RGS21: variants seen among roughly 807,000 people sequenced by gnomAD.
RGS21 encodes the protein regulator of G protein signaling 21.
Under a neutral mutation model 18.7 loss-of-function variants are expected in RGS21, and 19 were observed. The observed-to-expected ratio is 1.01, with a 90% confidence interval of 0.71 to 1.49. The LOEUF (loss-of-function observed/expected upper bound fraction) is 1.49. RGS21 is among the 40% of genes most tolerant of loss of function. RGS21 has a pLI of 0.00. For missense variants in RGS21, 194 were observed against 176.8 expected, an observed-to-expected ratio of 1.10 and a Z score of -0.55; for synonymous variants, 56 against 57.8, an observed-to-expected ratio of 0.97 and a Z score of 0.14.
At chr1:192,329,094 T>C (rs2102223950) in intron 1 of RGS21, among the ~76,000 whole-genome samples, 1 of 152,238 alleles carries the variant, frequency 6.6e-6, no homozygotes, top group South Asian at 2.1e-4. Flanking sequence ...ATGTGGGTTA[T>C]AAGTTTTTCG....
chr1:192,352,204 A>G lies in RGS21; in HGVS notation c.246A>G (p.Ala82=). Reference sequence around the variant, plus strand: ...ATTCTGAATTCATTGAAGCTGATGCACCTAAAGAGGTGAGTGAACTACTTC... The same window carrying G: ...ATTCTGAATTCATTGAAGCTGATGCGCCTAAAGAGGTGAGTGAACTACTTC... ...MIYSEFIEAD[A]PKEINIDFGT... is the part of the protein sequence containing the mutation. The change falls in exon 4 of 5, where the codon GCA becomes GCG. Residue 82 remains alanine, a synonymous_variant. Coordinates refer to ENST00000417209, the MANE Select transcript of RGS21 (RefSeq NM_001039152.3). 1.2e-6 allele frequency: 2 copies of G among 1,604,472 alleles called. No individual in the cohort carries two copies.
intron 1 of RGS21, among the ~76,000 whole-genome samples, chr1:192,336,127 A>G (rs1023456284): frequency 7.2e-5 from 11 of 152,216 alleles, no homozygotes; most frequent in Non-Finnish European, 1.0e-4. Context: ...TAGCCAGTCT[A>G]TAAGTCAAGC....
chr1:192,352,775 C>T (rs982553110), intron 4 of RGS21, among the ~76,000 whole-genome samples: 25 of 152,024 alleles, frequency 1.6e-4, no homozygotes, highest in African/African-American at 5.8e-4. Flanking sequence ...CTAGAAAGAG[C>T]CTTGGGGAGA....
intron 4 of RGS21, among the ~76,000 whole-genome samples, chr1:192,353,178 T>A (rs1659068121): frequency 6.6e-6 from 1 of 151,934 alleles, no homozygotes; most frequent in Non-Finnish European, 1.5e-5. Flanking sequence ...AAAGATAGAC[T>A]AGATGAAATG....
intron 1 of RGS21, among the ~76,000 whole-genome samples, chr1:192,323,913 GC>G (rs1658529973): frequency 7.1e-6 from 1 of 140,878 alleles, no homozygotes; most frequent in South Asian, 2.2e-4. Context: ...CAAGTATTAT[GC>G]TAAGAAATGT....
At chr1:192,359,627 G>GTA (rs1659155416) in intron 4 of RGS21, among the ~76,000 whole-genome samples, 1 of 135,928 alleles carries the variant, frequency 7.4e-6, no homozygotes, top group East Asian at 2.0e-4. Flanking sequence ...CTATGTGTAT[G>GTA]TATATATATG....
intron 1 of RGS21, among the ~76,000 whole-genome samples, chr1:192,332,969 G>C (rs1267453185): frequency 1.3e-5 from 2 of 150,988 alleles, no homozygotes; most frequent in East Asian, 3.9e-4. Flanking sequence ...AACCTCAACT[G>C]TTAAAAAAAA....
chr1:192,347,729 A>G (rs1018875509), intron 3 of RGS21, among the ~76,000 whole-genome samples: 1 of 151,978 alleles, frequency 6.6e-6, no homozygotes, highest in Non-Finnish European at 1.5e-5. Context: ...GCATGATCTC[A>G]GCTCACTGCA....
At chr1:192,362,502 A>G (rs1659199964) in intron 4 of RGS21, among the ~76,000 whole-genome samples, 2 of 152,224 alleles carry the variant, frequency 1.3e-5, no homozygotes, top group African/African-American at 4.8e-5. Context: ...GTCAGAGACA[A>G]TTCCTATGTT....
chr1:192,339,460 A>C (rs1658823976), intron 1 of RGS21, among the ~76,000 whole-genome samples: 1 of 152,070 alleles, frequency 6.6e-6, no homozygotes, highest in Non-Finnish European at 1.5e-5. Context: ...TAAGGAAACC[A>C]TATCTAAATG....
chr1:192,349,944 T>C (rs1659012681), intron 3 of RGS21, among the ~76,000 whole-genome samples: 2 of 152,332 alleles, frequency 1.3e-5, no homozygotes, highest in South Asian at 4.1e-4. Flanking sequence ...ATTCTTTCTG[T>C]ATTATTAAAG....
chr1:192,352,305 A>G (rs1001812606), intron 4 of RGS21, 92 bp downstream of exon 4: 12 of 844,976 alleles, frequency 1.4e-5, no homozygotes, highest in Non-Finnish European at 2.0e-5. Context: ...AGATAATCAA[A>G]TTCTCAGTAT....
intron 1 of RGS21, 74 bp from the exon 2 acceptor site, chr1:192,342,903 A>G (rs1055596184): frequency 2.1e-5 from 17 of 818,972 alleles, no homozygotes; most frequent in Non-Finnish European, 3.1e-5. Context: ...GAATTTAAAG[A>G]ATGCCAATTT....
At chr1:192,324,550 C>T (rs900602553) in intron 1 of RGS21, among the ~76,000 whole-genome samples, 25 of 151,924 alleles carry the variant, frequency 1.6e-4, no homozygotes, top group Admixed American at 3.3e-4. Context: ...TTATGTTGCA[C>T]TTGGAAATCT....
chr1:192,335,084 C>T (rs1658745601), intron 1 of RGS21, among the ~76,000 whole-genome samples: 1 of 151,952 alleles, frequency 6.6e-6, no homozygotes, highest in Non-Finnish European at 1.5e-5. Flanking sequence ...GCTTAGCTTC[C>T]CTAAAAAAAA....
intron 2 of RGS21, among the ~76,000 whole-genome samples, chr1:192,346,669 G>A (rs1315588834): frequency 6.6e-6 from 1 of 152,024 alleles, no homozygotes; most frequent in Admixed American, 6.6e-5. Flanking sequence ...GAAGACTTAA[G>A]TCTATAAATT....
At position 192,365,980 on chromosome 1, in the gene RGS21, C is replaced by A; in HGVS notation, c.315C>A (p.Leu105=). 6.2e-7 allele frequency: 1 copy of A among 1,610,390 alleles called. No individual in the cohort carries two copies. Among genetic ancestry groups the A allele is most frequent in the Non-Finnish European group, 8.5e-7 (1 of 1,177,114 alleles). ...LISKNIAEPT[L]KCFDEAQKLI... ...CAAAGAATATTGCTGAACCAACACT[C>A]AAATGCTTTGATGAGGCTCAGAAAT... The change falls in exon 5 of 5, where the codon CTC becomes CTA. Residue 105 remains leucine (L), a synonymous_variant. Transcript: ENST00000417209.
At chr1:192,325,769 G>A (rs1446161252) in intron 1 of RGS21, among the ~76,000 whole-genome samples, 1 of 152,032 alleles carries the variant, frequency 6.6e-6, no homozygotes, top group African/African-American at 2.4e-5. Flanking sequence ...CTCTGTTCAT[G>A]TCCTTTGCCC....
At chr1:192,321,504 T>C (rs992448969) in intron 1 of RGS21, among the ~76,000 whole-genome samples, 1 of 152,010 alleles carries the variant, frequency 6.6e-6, no homozygotes, top group Non-Finnish European at 1.5e-5. Context: ...TATAAAATCA[T>C]CCTGATCCTT....
Sources: allele counts gnomAD v4.1 joint callset (sites outside exome capture counted in the v4.1 genomes callset), GRCh38; gene constraint gnomAD v4.1.1; transcripts MANE v1.5; gene names NCBI Gene and HGNC (gene_info 2026-07-23, HGNC 2026-07-21).